The following GTPBP10 variants were observed in gnomAD, a reference collection of about 807,000 sequenced individuals.
GTPBP10 encodes GTP-binding protein 10.
A neutral mutation model predicts 44.8 loss-of-function variants in GTPBP10; 38 were observed. The ratio of observed to expected loss-of-function variants is 0.85; its 90% CI spans 0.65 to 1.11. The LOEUF (loss-of-function observed/expected upper bound fraction) is 1.11, where lower values mean the gene tolerates loss of function less well. GTPBP10 is among the 50% of genes most tolerant of loss of function. GTPBP10 has a pLI of 0.00. For synonymous variants in GTPBP10, 152 were observed against 150.6 expected (o/e 1.01, Z -0.07); for missense variants, 462 against 453.7 (o/e 1.02, Z -0.17).
intron 4 of GTPBP10, among the ~76,000 whole-genome samples, chr7:90,365,879 C>T (rs576046742): frequency 5.3e-5 from 8 of 152,242 alleles, no homozygotes; most frequent in East Asian, 1.9e-4. Context: ...TTTCTTATTC[C>T]GTATGAGATT....
At chr7:90,357,868 T>C (rs903137432) in intron 4 of GTPBP10, among the ~76,000 whole-genome samples, 2 of 152,166 alleles carry the variant, frequency 1.3e-5, no homozygotes, top group African/African-American at 4.8e-5. Context: ...GTATTTTATC[T>C]GGTATTTCTT....
In GTPBP10 at chr7:90,352,921, G is replaced by A; in HGVS notation, c.139G>A (p.Val47Ile). The A allele has an allele frequency of 6.2e-7, 1 of 1,613,944 alleles. No individual in the cohort carries two copies. The highest frequency in any genetic ancestry group is 8.5e-7 in the Non-Finnish European group (1 of 1,179,936). ...AGGTGGAAAAGGTGGTGATGTCTGGGTTGTAGCCCAGAACAGAATGACTTT... is the reference window on the plus strand; with the variant it reads ...AGGTGGAAAAGGTGGTGATGTCTGGATTGTAGCCCAGAACAGAATGACTTT... Reference protein sequence around the residue: ...GEGGKGGDVWVVAQNRMTLKQ... With the variant: ...GEGGKGGDVWIVAQNRMTLKQ... Residue 47 changes from valine (V) to isoleucine (I), a missense_variant, in exon 2 of 10, where the codon GTT (valine) becomes ATT (isoleucine). Coordinates refer to ENST00000222511, the MANE Select transcript of GTPBP10 (RefSeq NM_033107.4).
At chr7:90,372,278 A>G in intron 5 of GTPBP10, 50 bp downstream of exon 5, 1 of 1,178,400 alleles carries the variant, frequency 8.5e-7, no homozygotes. Flanking sequence ...AAACTTTTAA[A>G]GACTAATATT....
rs571497011 is a variant in GTPBP10, at chr7:90,353,204, TGTCC to T, written c.227+198_227+201del. On this transcript the variant is annotated intron_variant, in intron 2 of 9. Coordinates refer to ENST00000222511, the MANE Select transcript of GTPBP10 (RefSeq NM_033107.4). Reference sequence around the variant, plus strand: ...AATATTTCAGAGTTTTAAAACTTTCTGTCCGTTTCTTTTCCCAATGTCTATCTGT... The same window carrying T: ...AATATTTCAGAGTTTTAAAACTTTCTGTTTCTTTTCCCAATGTCTATCTGT... The T allele has an allele frequency of 9.7e-5, 43 of 442,886 alleles. No homozygotes were observed. The South Asian group carries it at 1.3e-3, about 13-fold the overall frequency. 27.4% of individuals were successfully genotyped at this position (442,886 alleles called of 1,614,324 possible).
chr7:90,352,147 A>C (rs1196481369), intron 1 of GTPBP10, among the ~76,000 whole-genome samples: 7 of 152,364 alleles, frequency 4.6e-5, no homozygotes, highest in Middle Eastern at 3.4e-3. Flanking sequence ...TGGTGCAGGT[A>C]CTAGGGCAGT....
chr7:90,368,189 C>T (rs1228677199), intron 4 of GTPBP10, among the ~76,000 whole-genome samples: 1 of 152,164 alleles, frequency 6.6e-6, no homozygotes, highest in Non-Finnish European at 1.5e-5. Context: ...GGTAACCGTA[C>T]CTTTCTCTCT....
intron 1 of GTPBP10, 107 bp from the exon 2 acceptor site, chr7:90,352,709 T>G: frequency 1.0e-5 from 8 of 765,876 alleles, no homozygotes; most frequent in Non-Finnish European, 8.0e-6. Flanking sequence ...TGTGAAAAGC[T>G]ATTAACGACT....
chr7:90,355,738 G>T (rs1795886136), intron 4 of GTPBP10, among the ~76,000 whole-genome samples: 1 of 152,118 alleles, frequency 6.6e-6, no homozygotes, highest in Non-Finnish European at 1.5e-5. Flanking sequence ...ATCCTGCTAT[G>T]ACTGTATATC....
chr7:90,347,033 A>G (rs886770037), intron 1 of GTPBP10, among the ~76,000 whole-genome samples: 2 of 152,130 alleles, frequency 1.3e-5, no homozygotes, highest in African/African-American at 4.8e-5. Flanking sequence ...ACGTGGTATG[A>G]GGAACTGGGA....
intron 4 of GTPBP10, among the ~76,000 whole-genome samples, chr7:90,362,807 CTGGTTGCTCCTGTAT>C (rs1377027992): frequency 1.3e-5 from 2 of 152,174 alleles, no homozygotes; most frequent in Non-Finnish European, 2.9e-5. Context: ...CTTTATGAAT[CTGGTTGCTCCTGTAT>C]TGTGTGCATA....
intron 1 of GTPBP10, chr7:90,347,739 C>T (rs1351583062): frequency 1.3e-5 from 2 of 152,300 alleles, no homozygotes; most frequent in Admixed American, 6.5e-5. Context: ...CTGGGAGAGC[C>T]AGCAAAGTCA....
chr7:90,373,456 A>G (rs911073038), intron 5 of GTPBP10, among the ~76,000 whole-genome samples: 1 of 152,212 alleles, frequency 6.6e-6, no homozygotes, highest in East Asian at 1.9e-4. Flanking sequence ...ACAGAATGCC[A>G]TTAACTTGGA....
rs1049129798 is a variant in GTPBP10, at chr7:90,386,462, C to T, written c.*1308C>T. 1 of 151,998 alleles carries T rather than the reference C, an allele frequency of 6.6e-6. No individual in the cohort carries two copies. The highest frequency in any genetic ancestry group is 6.6e-5 in the Admixed American group (1 of 15,258). 9.4% of individuals were successfully genotyped at this position (151,998 alleles called of 1,614,324 possible). On this transcript the variant is annotated 3_prime_UTR_variant, in exon 10 of 10. Transcript: ENST00000222511. ...CTATATTGTTTCATTTTTCTTTTGT[C>T]CTAGTCTATTTCACTTTCTTTTGTC... is the stretch of plus-strand genomic sequence containing the variant.
In GTPBP10 at chr7:90,389,781, A is replaced by G. The variant is rs992329592; in HGVS notation, c.*4627A>G. 6.6e-6 allele frequency: 1 copy of G among 152,156 alleles called. No individual in the cohort carries two copies. Among genetic ancestry groups the G allele is most frequent in the African/African-American group, 2.4e-5 (1 of 41,432 alleles). 9.4% of individuals were successfully genotyped at this position (152,156 alleles called of 1,614,324 possible). ...TTTTTTTCTTAAAGAGATATTTCAT[A>G]TCTGTTCTATTTGTTTAGTTTTATT... On this transcript the variant is annotated 3_prime_UTR_variant, in exon 10 of 10. Coordinates refer to ENST00000222511, the MANE Select transcript of GTPBP10 (RefSeq NM_033107.4).
At chr7:90,378,406 C>A in intron 8 of GTPBP10, 195 bp downstream of exon 8, 4 of 301,048 alleles carry the variant, frequency 1.3e-5, no homozygotes, top group Non-Finnish European at 1.5e-5. Context: ...GGATAAAACA[C>A]TCCTGGGCTT....
At chr7:90,348,519 CATT>C (rs1390512840) in intron 1 of GTPBP10, among the ~76,000 whole-genome samples, 1 of 150,812 alleles carries the variant, frequency 6.6e-6, no homozygotes, top group Non-Finnish European at 1.5e-5. Flanking sequence ...ATTTACTGTT[CATT>C]AAATGGAAGT....
At chr7:90,376,726 A>G (rs1459666099) in intron 6 of GTPBP10, among the ~76,000 whole-genome samples, 1 of 152,228 alleles carries the variant, frequency 6.6e-6, no homozygotes, top group African/African-American at 2.4e-5. Flanking sequence ...AGAATGGTCG[A>G]TAATCCTGCT....
chr7:90,388,419 G>C lies in GTPBP10; in HGVS notation c.*3265G>C, dbSNP rs563919585. On this transcript the variant is annotated 3_prime_UTR_variant, in exon 10 of 10. Coordinates refer to ENST00000222511, the MANE Select transcript of GTPBP10 (RefSeq NM_033107.4). ...TTTTTACAAAGTCCCAGTAGTTCTT[G>C]CAGAGCTTTCTATAATATCAGATTT... is the stretch of plus-strand genomic sequence containing the variant. The C allele has an allele frequency of 6.6e-6, 1 of 151,678 alleles. No individual in the cohort carries two copies. Among genetic ancestry groups the C allele is most frequent in the East Asian group, 1.9e-4 (1 of 5,178 alleles). 9.4% of individuals were successfully genotyped at this position (151,678 alleles called of 1,614,324 possible).
At chr7:90,353,224 GTCTA>G (rs1795828892) in intron 2 of GTPBP10, 3 of 398,864 alleles carry the variant, frequency 7.5e-6, no homozygotes, top group Non-Finnish European at 1.3e-5. Flanking sequence ...TTTTCCCAAT[GTCTA>G]TCTGTATTCT....
Sources: gnomAD v4.1 joint callset for allele counts (sites outside exome capture counted in the v4.1 genomes callset) on GRCh38, gnomAD v4.1.1 for gene constraint, MANE v1.5 for transcripts, NCBI Gene and HGNC (gene_info 2026-07-23, HGNC 2026-07-21) for gene names.